LINGO2: variants seen among roughly 807,000 people sequenced by gnomAD.
LINGO2 encodes the protein leucine-rich repeat and immunoglobulin-like domain-containing nogo receptor-interacting protein 2.
A neutral mutation model predicts 30.6 loss-of-function variants in LINGO2; 14 were observed. That is an observed-to-expected ratio of 0.46 (90% confidence interval 0.30 to 0.72). The LOEUF (loss-of-function observed/expected upper bound fraction) is 0.72, where lower values mean the gene tolerates loss of function less well. LINGO2 is among the 30% of genes least tolerant of loss of function. The probability of loss-of-function intolerance (pLI) is 0.07; values close to 1 mark genes in which losing one functional copy is unlikely to be tolerated. For missense variants in LINGO2, 729 were observed against 751.7 expected (o/e 0.97, Z 0.35); for synonymous variants, 317 against 288.5 (o/e 1.10, Z -1.00).
the LINGO2 span, among the ~76,000 whole-genome samples, chr9:28,704,755 C>T: frequency 6.6e-6 from 1 of 151,956 alleles, no homozygotes; most frequent in Non-Finnish European, 1.5e-5. Context: ...TGTTTTGATT[C>T]TTTCTTAGAA....
chr9:29,009,013 A>G, the LINGO2 span, among the ~76,000 whole-genome samples: 1 of 152,186 alleles, frequency 6.6e-6, no homozygotes, highest in Non-Finnish European at 1.5e-5. Context: ...TCAATAAATT[A>G]GGTATTGATG....
At chr9:28,883,628 G>GTGTATA in the LINGO2 span, among the ~76,000 whole-genome samples, 56 of 64,154 alleles carry the variant, frequency 8.7e-4, no homozygotes, top group African/African-American at 2.9e-3. Context: ...ATGTGTGTGT[G>GTGTATA]TATATATATA....
the LINGO2 span, among the ~76,000 whole-genome samples, chr9:29,116,338 T>C: frequency 1.3e-5 from 2 of 152,112 alleles, no homozygotes; most frequent in South Asian, 2.1e-4. Flanking sequence ...GGCAAGCATG[T>C]CTTTGTTCAA....
chr9:28,064,973 G>A (rs1189720629), intron 4 of LINGO2, among the ~76,000 whole-genome samples: 1 of 151,102 alleles, frequency 6.6e-6, no homozygotes, highest in African/African-American at 2.4e-5. Flanking sequence ...TACTAGATTA[G>A]AGCCCTAGAA....
the LINGO2 span, among the ~76,000 whole-genome samples, chr9:29,110,978 G>A: frequency 1.3e-5 from 2 of 149,188 alleles, no homozygotes; most frequent in East Asian, 2.0e-4. Context: ...CGTGAGCCAC[G>A]GCGCCCGGCC....
At chr9:29,055,416 G>A in the LINGO2 span, among the ~76,000 whole-genome samples, 1 of 152,094 alleles carries the variant, frequency 6.6e-6, no homozygotes, top group East Asian at 1.9e-4. Flanking sequence ...ATTCCACTCC[G>A]TGCATATCAC....
Position 28,198,650 on chromosome 9 carries a change from C to A in LINGO2, c.-87+96558G>T, listed in dbSNP as rs542173386. Among the ~76,000 whole-genome samples, 5 of 152,206 alleles carry A rather than the reference C, an allele frequency of 3.3e-5. No homozygotes were observed. The East Asian group carries it at 9.7e-4, about 29-fold the overall frequency. On this transcript the variant is annotated intron_variant, in intron 4 of 5. Transcript: ENST00000379992. Reference sequence around the variant, plus strand: ...ACAACCATCACTTAACAAAAATCATCATTTTTTTTCCACTATACTTTTTGG... The same window carrying A: ...ACAACCATCACTTAACAAAAATCATAATTTTTTTTCCACTATACTTTTTGG...
the LINGO2 span, among the ~76,000 whole-genome samples, chr9:28,856,746 G>A: frequency 2.6e-5 from 4 of 151,996 alleles, no homozygotes; most frequent in Non-Finnish European, 5.9e-5. Flanking sequence ...AGCGTTTTAA[G>A]GAGGAGAATA....
chr9:28,345,306 A>G (rs1819525260), intron 3 of LINGO2, among the ~76,000 whole-genome samples: 2 of 152,164 alleles, frequency 1.3e-5, no homozygotes, highest in African/African-American at 4.8e-5. Flanking sequence ...GCCTAAGTGC[A>G]TAATAAATAA....
At chr9:28,108,044 G>T (rs1826650480) in intron 4 of LINGO2, among the ~76,000 whole-genome samples, 1 of 152,074 alleles carries the variant, frequency 6.6e-6, no homozygotes, top group African/African-American at 2.4e-5. Context: ...CTGATGCTCA[G>T]ACACAAATGG....
At chr9:28,935,605 CTA>C in the LINGO2 span, among the ~76,000 whole-genome samples, 1 of 151,822 alleles carries the variant, frequency 6.6e-6, no homozygotes, top group South Asian at 2.1e-4. Context: ...GGTGAGGACT[CTA>C]TTCATATTGC....
intron 4 of LINGO2, among the ~76,000 whole-genome samples, chr9:28,122,827 A>G (rs1827136960): frequency 6.6e-6 from 1 of 152,224 alleles, no homozygotes; most frequent in Non-Finnish European, 1.5e-5. Flanking sequence ...TATGTTTTTA[A>G]GTATTGTAAT....
chr9:28,117,297 A>C (rs942103951), intron 4 of LINGO2, among the ~76,000 whole-genome samples: 1 of 148,920 alleles, frequency 6.7e-6, no homozygotes, highest in Non-Finnish European at 1.5e-5. Context: ...TGCTGGGAGA[A>C]CCACTGCTCT....
At position 28,468,919 on chromosome 9, in the gene LINGO2, C is replaced by A. The variant is rs543519899; in HGVS notation, c.-279+7021G>T. ...AAGCATTCAAAGAGATAGGGTAATA[C>A]GGTCCATCAAAAGGAACAAAGTTAA... On this transcript the variant is annotated intron_variant, in intron 2 of 5. Transcript: ENST00000379992. 5.3e-5 allele frequency among the ~76,000 whole-genome samples: 8 copies of A among 152,010 alleles called. No homozygotes were observed. The East Asian group carries it at 1.5e-3, about 29-fold the overall frequency.
chr9:28,168,077 T>C (rs1301549993), intron 4 of LINGO2, among the ~76,000 whole-genome samples: 1 of 152,218 alleles, frequency 6.6e-6, no homozygotes, highest in Non-Finnish European at 1.5e-5. Flanking sequence ...TAAAACTTAA[T>C]GCTTGTACTT....
At chr9:29,050,872 ATATACAGCAAGGAAGTT>A in the LINGO2 span, among the ~76,000 whole-genome samples, 1 of 152,172 alleles carries the variant, frequency 6.6e-6, no homozygotes, top group Non-Finnish European at 1.5e-5. Context: ...GTTCAAAGAA[ATATACAGCAAGGAAGTT>A]AATGGTTCCA....
At chr9:28,751,202 G>A in the LINGO2 span, among the ~76,000 whole-genome samples, 1 of 141,674 alleles carries the variant, frequency 7.1e-6, no homozygotes. Flanking sequence ...GAGATCAGAG[G>A]ATCATTTCAG....
the LINGO2 span, among the ~76,000 whole-genome samples, chr9:28,898,815 A>G: frequency 6.6e-6 from 1 of 152,170 alleles, no homozygotes; most frequent in South Asian, 2.1e-4. Flanking sequence ...AAATAACTAT[A>G]GGGTGCTAGG....
intron 4 of LINGO2, among the ~76,000 whole-genome samples, chr9:28,215,616 T>C (rs140756281): frequency 1.4e-4 from 21 of 150,678 alleles, no homozygotes; most frequent in African/African-American, 4.4e-4. Flanking sequence ...ATAAATTCAG[T>C]AAAAAAAAAT....
Sources: allele counts gnomAD v4.1 joint callset (sites outside exome capture counted in the v4.1 genomes callset), GRCh38; gene constraint gnomAD v4.1.1; transcripts MANE v1.5; gene names NCBI Gene and HGNC (gene_info 2026-07-23, HGNC 2026-07-21).